The following SIN3A variants were observed in gnomAD, a reference collection of about 807,000 sequenced individuals.
The protein encoded by SIN3A is paired amphipathic helix protein Sin3a.
A neutral mutation model predicts 146.1 loss-of-function variants in SIN3A; 14 were observed. The observed-to-expected ratio is 0.10, with a 90% CI of 0.06 to 0.15. The LOEUF (loss-of-function observed/expected upper bound fraction) is 0.15, where lower values mean the gene tolerates loss of function less well. SIN3A is among the 10% of genes least tolerant of loss of function. SIN3A has a pLI of 1.00. For synonymous variants in SIN3A, 572 were observed against 572.0 expected, an observed-to-expected ratio of 1.00 and a Z score of 0.00; for missense variants, 1,028 against 1,576.0, an observed-to-expected ratio of 0.65 and a Z score of 5.89.
rs759268451 is a variant in SIN3A, at chr15:75,411,721, G to C, written c.779C>G (p.Thr260Ser). Residue 260 changes from threonine (T) to serine (S), a missense_variant, in exon 6 of 21, where the codon ACT becomes AGT. Physicochemically the swap from Thr to Ser is moderately conservative, Grantham distance 58 (BLOSUM62 1). This residue lies in a region of SIN3A where 112 missense variants were observed against 135.7 expected (regional missense o/e 0.83). Coordinates refer to ENST00000394947, the MANE Select transcript of SIN3A (RefSeq NM_001145358.2). ...VSKPSQLQAHTPASQQTPPLP... is the reference protein window; with the variant it reads ...VSKPSQLQAHSPASQQTPPLP... ...TGGGGGAGTCTGCTGACTGGCCGGA[G>C]TATGTGCTTGCAGTTGGGAGGGCTA... 1 of 1,606,022 alleles carries C rather than the reference G, an allele frequency of 6.2e-7. No homozygotes were observed. Among genetic ancestry groups the C allele is most frequent in the South Asian group, 1.1e-5 (1 of 90,258 alleles).
chr15:75,430,350 T>C lies in SIN3A; in HGVS notation c.26A>G (p.Glu9Gly). The C allele has an allele frequency of 6.2e-7, 1 of 1,612,586 alleles. No individual in the cohort carries two copies. The highest frequency in any genetic ancestry group is 8.5e-7 in the Non-Finnish European group (1 of 1,179,396). MKRRLDDQ[E>G]SPVYAAQQRR... ...CTGCTGGGCTGCATACACCGGTGAC[T>C]CCTGGTCATCCAAACGCCGCTTCAT... is the stretch of plus-strand genomic sequence containing the variant. The change falls in exon 2 of 21, where the codon GAG (glutamate) becomes GGG (glycine). Residue 9 changes from glutamate to glycine, a missense_variant. Physicochemically the swap from Glu to Gly is moderately conservative, Grantham distance 98 (BLOSUM62 -2). Transcript: ENST00000394947.
intron 3 of SIN3A, among the ~76,000 whole-genome samples, chr15:75,414,661 A>G (rs2073701244): frequency 6.6e-6 from 1 of 152,202 alleles, no homozygotes; most frequent in Admixed American, 6.5e-5. Flanking sequence ...AATAATTTGT[A>G]GCCCCTCGTC....
intron 9 of SIN3A, among the ~76,000 whole-genome samples, chr15:75,406,149 GC>G (rs779424203): frequency 3.9e-5 from 6 of 152,220 alleles, no homozygotes; most frequent in Non-Finnish European, 7.3e-5. Flanking sequence ...CCAGTGAGAA[GC>G]CCAACAGGTG....
chr15:75,428,780 G>A (rs910950305), intron 2 of SIN3A, among the ~76,000 whole-genome samples: 4 of 152,050 alleles, frequency 2.6e-5, no homozygotes, highest in African/African-American at 9.7e-5. Flanking sequence ...TTATGGGTGC[G>A]AGCCACTGCA....
chr15:75,440,286 A>C (rs1408125985), intron 1 of SIN3A, among the ~76,000 whole-genome samples: 1 of 151,010 alleles, frequency 6.6e-6, no homozygotes, highest in Non-Finnish European at 1.5e-5. Flanking sequence ...GCTGGAGTGC[A>C]GTGGTGCAAT....
At chr15:75,417,039 T>A (rs1362308765) in intron 3 of SIN3A, among the ~76,000 whole-genome samples, 2 of 152,158 alleles carry the variant, frequency 1.3e-5, no homozygotes, top group Admixed American at 6.5e-5. Context: ...AGTGGCTTTT[T>A]TTTTTTTGGT....
intron 9 of SIN3A, among the ~76,000 whole-genome samples, chr15:75,406,477 G>C (rs2073517809): frequency 6.6e-6 from 1 of 152,182 alleles, no homozygotes; most frequent in South Asian, 2.1e-4. Context: ...CACGAGGTCA[G>C]GAGATCGAGA....
chr15:75,437,679 G>A (rs1272626509), intron 1 of SIN3A, among the ~76,000 whole-genome samples: 3 of 152,122 alleles, frequency 2.0e-5, no homozygotes, highest in Admixed American at 2.0e-4. Flanking sequence ...GAACCACAAA[G>A]TCAGCCACAA....
rs1023368225 is a variant in SIN3A, at chr15:75,409,871, G to A, written c.1282C>T (p.Arg428Cys). 3.7e-6 allele frequency: 6 copies of A among 1,613,316 alleles called. No individual in the cohort carries two copies. Among genetic ancestry groups the A allele is most frequent in the East Asian group, 2.2e-5 (1 of 44,880 alleles). ...GGGGTGGTTCCTGTAGGATGTCTGCGGATCTGGCAGCCATTCTGGCTGGGC... is the reference window on the plus strand; with the variant it reads ...GGGGTGGTTCCTGTAGGATGTCTGCAGATCTGGCAGCCATTCTGGCTGGGC... ...QRPSQNGCQI[R>C]RHPTGTTPPV... Residue 428 changes from arginine to cysteine, a missense_variant, in exon 8 of 21, where the codon CGC becomes TGC. By Grantham distance (180) the Arg-to-Cys change is radical. This residue lies in a region of SIN3A where 62 missense variants were observed against 63.5 expected (regional missense o/e 0.98). Transcript: ENST00000394947.
At chr15:75,440,341 G>A (rs2074185839) in intron 1 of SIN3A, among the ~76,000 whole-genome samples, 1 of 150,866 alleles carries the variant, frequency 6.6e-6, no homozygotes, top group Non-Finnish European at 1.5e-5. Flanking sequence ...AGCAATTCCT[G>A]TGCCTCAGCC....
At chr15:75,414,019 T>C (rs2073690601) in intron 4 of SIN3A, among the ~76,000 whole-genome samples, 186 bp downstream of exon 4, 1 of 152,110 alleles carries the variant, frequency 6.6e-6, no homozygotes, top group South Asian at 2.1e-4. Context: ...AATTTACCAA[T>C]AGGGATAAAA....
chr15:75,428,897 C>T (rs534011221), intron 2 of SIN3A, among the ~76,000 whole-genome samples: 46 of 152,172 alleles, frequency 3.0e-4, no homozygotes, highest in Non-Finnish European at 5.3e-4. Context: ...TCCTCAGCCT[C>T]CTCAATGTGA....
intron 15 of SIN3A, 37 bp from the exon 16 acceptor site, chr15:75,389,858 C>A: frequency 6.2e-7 from 1 of 1,603,498 alleles, no homozygotes; most frequent in South Asian, 1.1e-5. Flanking sequence ...CCTTACCTTG[C>A]TAAGAAAAGA....
At chr15:75,375,457 A>G (rs1185583348) in intron 20 of SIN3A, among the ~76,000 whole-genome samples, 1 of 152,206 alleles carries the variant, frequency 6.6e-6, no homozygotes, top group Non-Finnish European at 1.5e-5. Context: ...TTGGACTTCT[A>G]GTCTCCACAA....
At chr15:75,394,114 A>T (rs1478403572) in intron 14 of SIN3A, among the ~76,000 whole-genome samples, 1 of 152,110 alleles carries the variant, frequency 6.6e-6, no homozygotes, top group Non-Finnish European at 1.5e-5. Flanking sequence ...GGCCTGATTA[A>T]GTTCACATAA....
intron 3 of SIN3A, among the ~76,000 whole-genome samples, chr15:75,418,346 G>C (rs2073779939): frequency 6.9e-6 from 1 of 145,488 alleles, no homozygotes; most frequent in Non-Finnish European, 1.5e-5. Flanking sequence ...TTTATTTTGA[G>C]ACATGGTCTC....
At chr15:75,402,651 T>C (rs990811349) in intron 9 of SIN3A, among the ~76,000 whole-genome samples, 1 of 152,216 alleles carries the variant, frequency 6.6e-6, no homozygotes, top group African/African-American at 2.4e-5. Context: ...TGTTTTGTTT[T>C]TTAAACGCAG....
chr15:75,376,533 A>C (rs2072858311), intron 19 of SIN3A, among the ~76,000 whole-genome samples: 1 of 152,194 alleles, frequency 6.6e-6, no homozygotes, highest in South Asian at 2.1e-4. Context: ...GTTATCAGCT[A>C]GACAATTATA....
chr15:75,408,396 G>A (rs992037051), intron 8 of SIN3A, among the ~76,000 whole-genome samples: 2 of 152,298 alleles, frequency 1.3e-5, no homozygotes, highest in Non-Finnish European at 2.9e-5. Context: ...GTAACACCTA[G>A]TACGTCAGAC....
Sources: allele counts gnomAD v4.1 joint callset (sites outside exome capture counted in the v4.1 genomes callset), GRCh38; gene constraint gnomAD v4.1.1; regional missense constraint gnomAD v4.1.1; transcripts MANE v1.5; gene names NCBI Gene and HGNC (gene_info 2026-07-23, HGNC 2026-07-21).